Variants in PABIR1 observed in about 807,000 individuals in gnomAD.
PABIR1 encodes PPP2R1A-PPP2R2A-interacting phosphatase regulator 1.
In PABIR1, 2 loss-of-function variants were observed where a neutral mutation model predicts 14.6. That is an observed-to-expected ratio of 0.14 (90% CI 0.06 to 0.43). The LOEUF is 0.43. Ranked by LOEUF, PABIR1 falls within the 20% of genes least tolerant of loss-of-function variation. The probability of loss-of-function intolerance (pLI) is 0.99; values close to 1 mark genes in which losing one functional copy is unlikely to be tolerated. For missense variants in PABIR1, 294 were observed against 379.0 expected, an observed-to-expected ratio of 0.78 and a Z score of 1.86; for synonymous variants, 163 against 155.4, an observed-to-expected ratio of 1.05 and a Z score of -0.36.
rs751364709 is a variant in PABIR1, at chr9:68,780,480, G to C, written c.316G>C (p.Glu106Gln). 8.7e-6 allele frequency: 14 copies of C among 1,614,114 alleles called. No individual in the cohort carries two copies. Among genetic ancestry groups the C allele is most frequent in the Non-Finnish European group, 3.4e-6 (4 of 1,180,044 alleles). The change falls in exon 1 of 1, where the codon GAG becomes CAG. Residue 106 changes from glutamate (E) to glutamine (Q), a missense_variant. Transcript: ENST00000394264. ...CAACCGAGAGACGGTCCACGAACGG[G>C]AGGTGCAGACCGCAATGCAGATAAG... ...LINRETVHER[E>Q]VQTAMQISHS...
rs1450137248 is a variant in PABIR1 at position 68,780,837 on chromosome 9, C to A, written c.673C>A (p.Leu225Ile). The change falls in exon 1 of 1, where the codon CTT becomes ATT. Residue 225 changes from leucine (L) to isoleucine (I), a missense_variant. This residue lies in a region of PABIR1 where 95 missense variants were observed against 100.8 expected (regional missense o/e 0.94). Coordinates refer to ENST00000394264, the MANE Select transcript of PABIR1 (RefSeq NM_138333.5). ...ATTTTTCCAGGGCATCACCAACATG[C>A]TTTCTTCTGACGTTGCACAGCTGTC... ...KRFFQGITNM[L>I]SSDVAQLSDP... 5 of 1,614,228 alleles carry A rather than the reference C, an allele frequency of 3.1e-6. No homozygotes were observed. Among genetic ancestry groups the A allele is most frequent in the Non-Finnish European group, 4.2e-6 (5 of 1,180,046 alleles).
rs1018599642 is a variant in PABIR1, at chr9:68,783,552, A to T, written c.*2524A>T. On this transcript the variant is annotated 3_prime_UTR_variant, in exon 1 of 1. Coordinates refer to ENST00000394264, the MANE Select transcript of PABIR1 (RefSeq NM_138333.5). Reference sequence around the variant, plus strand: ...AACAACTTGATATCTATTGTACAAGATGTGTTACTGGCATTTCCATGTATA... The same window carrying T: ...AACAACTTGATATCTATTGTACAAGTTGTGTTACTGGCATTTCCATGTATA... 5 of 166,952 alleles carry T rather than the reference A, an allele frequency of 3.0e-5. No homozygotes were observed. The highest frequency in any genetic ancestry group is 1.2e-4 in the African/African-American group (5 of 41,464). 10.3% of individuals were successfully genotyped at this position (166,952 alleles called of 1,614,324 possible).
At position 68,780,681 on chromosome 9, in the gene PABIR1, A is replaced by T; in HGVS notation, c.517A>T (p.Ser173Cys). Reference sequence around the variant, plus strand: ...TGTAAGTAGCAACGGATTGCCTCCAAGCCCTATTCCCAGCCCAACGACCCG... The same window carrying T: ...TGTAAGTAGCAACGGATTGCCTCCATGCCCTATTCCCAGCCCAACGACCCG... ...SFVSSNGLPP[S>C]PIPSPTTRFT... Residue 173 changes from serine to cysteine, a missense_variant, in exon 1 of 1, where the codon AGC (serine) becomes TGC (cysteine). Transcript: ENST00000394264. The T allele has an allele frequency of 6.2e-7, 1 of 1,614,218 alleles. No individual in the cohort carries two copies. The highest frequency in any genetic ancestry group is 8.5e-7 in the Non-Finnish European group (1 of 1,180,030).
rs1831361496 is a variant in PABIR1 at position 68,782,650 on chromosome 9, GC to G, written c.*1623del. ...AGTTGCCTCAAGATGGAGTGAAATT[GC>G]ATCGAGGGTAAGACTGTGTCCACAG... On this transcript the variant is annotated 3_prime_UTR_variant, in exon 1 of 1. Transcript: ENST00000394264. 1.2e-5 allele frequency: 2 copies of G among 167,084 alleles called. No individual in the cohort carries two copies. Among genetic ancestry groups the G allele is most frequent in the African/African-American group, 2.4e-5 (1 of 41,446 alleles). The allele number at this position is 167,084 out of a possible 1,614,324, so 10.4% of individuals were successfully genotyped here.
chr9:68,784,505 C>CTGATT lies in PABIR1; in HGVS notation c.*3477_*3478insTGATT, dbSNP rs1831496365. The CTGATT allele has an allele frequency of 1.2e-5, 2 of 166,508 alleles. No homozygotes were observed. The highest frequency in any genetic ancestry group is 4.8e-5 in the African/African-American group (2 of 41,438). 10.3% of individuals were successfully genotyped at this position (166,508 alleles called of 1,614,324 possible). A position where few individuals can be genotyped will look rare whatever the true frequency, so the allele number is the denominator to read the frequency against. ...AGAATAACTTGTATCAGATTGCCTT[C>CTGATT]CAGTGATTCACATTTATTAGTTCAA... On this transcript the variant is annotated 3_prime_UTR_variant, in exon 1 of 1. Transcript: ENST00000394264.
In PABIR1 at chr9:68,783,274, A is replaced by G. The variant is rs1831407264; in HGVS notation, c.*2246A>G. On this transcript the variant is annotated 3_prime_UTR_variant, in exon 1 of 1. Coordinates refer to ENST00000394264, the MANE Select transcript of PABIR1 (RefSeq NM_138333.5). ...TCTCCTCATCTCTGTTCCAGTATAC[A>G]TCTTTCCTTCTTATTCTGCAAACAT... 1 of 166,866 alleles carries G rather than the reference A, an allele frequency of 6.0e-6. No homozygotes were observed. Among genetic ancestry groups the G allele is most frequent in the South Asian group, 2.1e-4 (1 of 4,834 alleles). 10.3% of individuals were successfully genotyped at this position (166,866 alleles called of 1,614,324 possible).
In PABIR1 at chr9:68,781,184, A is replaced by C; in HGVS notation, c.*156A>C. 1 of 994,902 alleles carries C rather than the reference A, an allele frequency of 1.0e-6. No individual in the cohort carries two copies. The highest frequency in any genetic ancestry group is 1.7e-5 in the South Asian group (1 of 59,922). The allele number at this position is 994,902 out of a possible 1,614,324, so 61.6% of individuals were successfully genotyped here. A position where few individuals can be genotyped will look rare whatever the true frequency, so the allele number is the denominator to read the frequency against. On this transcript the variant is annotated 3_prime_UTR_variant, in exon 1 of 1. Coordinates refer to ENST00000394264, the MANE Select transcript of PABIR1 (RefSeq NM_138333.5). Reference sequence around the variant, plus strand: ...AATGATGTTATTCTAGAGAACTTCTATGTCAGGTTCCTTTGGATACCCTTG... The same window carrying C: ...AATGATGTTATTCTAGAGAACTTCTCTGTCAGGTTCCTTTGGATACCCTTG...
chr9:68,781,255 T>C lies in PABIR1; in HGVS notation c.*227T>C, dbSNP rs889479628. ...TCAGACGTTTCCCCAATAAGTGTGT[T>C]GAAGCATACATCTTTACGCTGCTAA... On this transcript the variant is annotated 3_prime_UTR_variant, in exon 1 of 1. Transcript: ENST00000394264. 3.6e-6 allele frequency: 2 copies of C among 559,596 alleles called. No individual in the cohort carries two copies. The highest frequency in any genetic ancestry group is 3.6e-5 in the Admixed American group (1 of 27,988). The allele number at this position is 559,596 out of a possible 1,614,324, so 34.7% of individuals were successfully genotyped here. A position where few individuals can be genotyped will look rare whatever the true frequency, so the allele number is the denominator to read the frequency against.
Position 68,780,094 on chromosome 9 carries a change from G to GTATCATTAAAA in PABIR1, c.-71_-70insTATCATTAAAA. 7.5e-6 allele frequency: 10 copies of GTATCATTAAAA among 1,337,322 alleles called. No individual in the cohort carries two copies. Among genetic ancestry groups the GTATCATTAAAA allele is most frequent in the South Asian group, 4.7e-5 (2 of 42,290 alleles). The allele number at this position is 1,337,322 out of a possible 1,614,324, so 82.8% of individuals were successfully genotyped here. A position where few individuals can be genotyped will look rare whatever the true frequency, so the allele number is the denominator to read the frequency against. On this transcript the variant is annotated 5_prime_UTR_variant, in exon 1 of 1. Transcript: ENST00000394264. ...TCTCGGTGGCGGCGGCAGCGGCGGC[G>GTATCATTAAAA]GCCCTGGACTGCGGGGAATGGGAAT...
In PABIR1 at chr9:68,784,715, C is replaced by G. The variant is rs1831514442; in HGVS notation, c.*3687C>G. On this transcript the variant is annotated 3_prime_UTR_variant, in exon 1 of 1. Transcript: ENST00000394264. The stretch of plus-strand genomic sequence containing the variant: ...GGGGAATGGTTGCCAGACAATTGAA[C>G]CAAGAAGATGATGATCATTTCTTGA... 1 of 157,982 alleles carries G rather than the reference C, an allele frequency of 6.3e-6. No individual in the cohort carries two copies. Among genetic ancestry groups the G allele is most frequent in the Admixed American group, 6.6e-5 (1 of 15,260 alleles). 9.8% of individuals were successfully genotyped at this position (157,982 alleles called of 1,614,324 possible). A position where few individuals can be genotyped will look rare whatever the true frequency, so the allele number is the denominator to read the frequency against.
In PABIR1 at chr9:68,780,567, A is replaced by G; in HGVS notation, c.403A>G (p.Lys135Glu). The change falls in exon 1 of 1, where the codon AAG becomes GAG. Residue 135 changes from lysine to glutamate, a missense_variant. Transcript: ENST00000394264. ...CGACGTGGAGAAATCCGCCTCCCCC[A>G]AGCGCATCGATTTCATTCCTGTGTC... Reference protein sequence around the residue: ...DNDVEKSASPKRIDFIPVSPA... With the variant: ...DNDVEKSASPERIDFIPVSPA... The G allele has an allele frequency of 6.2e-7, 1 of 1,614,190 alleles. No homozygotes were observed. The highest frequency in any genetic ancestry group is 8.5e-7 in the Non-Finnish European group (1 of 1,180,028).
In PABIR1 at chr9:68,780,703, C is replaced by T. The variant is rs1242133954; in HGVS notation, c.539C>T (p.Thr180Ile). The part of the protein sequence containing the change: ...LPPSPIPSPT[T>I]RFTTRRSQSP... ...CCAAGCCCTATTCCCAGCCCAACGA[C>T]CCGATTTACCACCCGGAGAAGCCAG... Residue 180 changes from threonine (T) to isoleucine (I), a missense_variant, in exon 1 of 1, where the codon ACC (threonine) becomes ATC (isoleucine). Transcript: ENST00000394264. 3.1e-6 allele frequency: 5 copies of T among 1,614,222 alleles called. No individual in the cohort carries two copies. In the Admixed American group the frequency reaches 6.7e-5, roughly 22 times the overall value.
At position 68,785,094 on chromosome 9, in the gene PABIR1, A is replaced by C. The variant is rs1831536161; in HGVS notation, c.*4066A>C. Among the ~76,000 whole-genome samples the C allele has an allele frequency of 6.6e-6, 1 of 152,184 alleles. No individual in the cohort carries two copies. The highest frequency in any genetic ancestry group is 2.4e-5 in the African/African-American group (1 of 41,452). Reference sequence around the variant, plus strand: ...TAGGCTATGATGGATGCCAGGTTGCAGTTGGATGGCAGGCACAAGGAAGTG... The same window carrying C: ...TAGGCTATGATGGATGCCAGGTTGCCGTTGGATGGCAGGCACAAGGAAGTG... On this transcript the variant is annotated 3_prime_UTR_variant, in exon 1 of 1. Coordinates refer to ENST00000394264, the MANE Select transcript of PABIR1 (RefSeq NM_138333.5).
Position 68,783,183 on chromosome 9 carries a change from T to C in PABIR1, c.*2155T>C, listed in dbSNP as rs1831399152. 1 of 167,136 alleles carries C rather than the reference T, an allele frequency of 6.0e-6. No individual in the cohort carries two copies. The highest frequency in any genetic ancestry group is 1.5e-5 in the Non-Finnish European group (1 of 68,140). The allele number at this position is 167,136 out of a possible 1,614,324, so 10.4% of individuals were successfully genotyped here. On this transcript the variant is annotated 3_prime_UTR_variant, in exon 1 of 1. Coordinates refer to ENST00000394264, the MANE Select transcript of PABIR1 (RefSeq NM_138333.5). ...TCCCCATTTCCTACTCTTTAAGGAA[T>C]GATTTCTTTAGCCTCAGATAGAAGG...
chr9:68,780,076 G>C lies in PABIR1; in HGVS notation c.-89G>C. The C allele has an allele frequency of 7.0e-7, 1 of 1,429,990 alleles. No individual in the cohort carries two copies. Among genetic ancestry groups the C allele is most frequent in the Non-Finnish European group, 9.1e-7 (1 of 1,093,940 alleles). 88.6% of individuals were successfully genotyped at this position (1,429,990 alleles called of 1,614,324 possible). On this transcript the variant is annotated 5_prime_UTR_variant, in exon 1 of 1. Transcript: ENST00000394264. ...GCCAGCCCGCTGACAGATTCTCGGT[G>C]GCGGCGGCAGCGGCGGCGGCCCTGG...
Position 68,780,120 on chromosome 9 carries a change from C to T in PABIR1, c.-45C>T, listed in dbSNP as rs1277229370. The stretch of plus-strand genomic sequence containing the variant: ...GCCCTGGACTGCGGGGAATGGGAAT[C>T]CTAGGTCCCTGACTGAGCACCTCCC... On this transcript the variant is annotated 5_prime_UTR_variant, in exon 1 of 1. Transcript: ENST00000394264. The T allele has an allele frequency of 6.7e-7, 1 of 1,490,540 alleles. No individual in the cohort carries two copies. Among genetic ancestry groups the T allele is most frequent in the Non-Finnish European group, 8.9e-7 (1 of 1,125,610 alleles). 92.3% of individuals were successfully genotyped at this position (1,490,540 alleles called of 1,614,324 possible). A position where few individuals can be genotyped will look rare whatever the true frequency, so the allele number is the denominator to read the frequency against.
chr9:68,781,059 T>TG lies in PABIR1; in HGVS notation c.*33dup. 1 of 1,587,674 alleles carries TG rather than the reference T, an allele frequency of 6.3e-7. No homozygotes were observed. The highest frequency in any genetic ancestry group is 8.6e-7 in the Non-Finnish European group (1 of 1,165,154). On this transcript the variant is annotated 3_prime_UTR_variant, in exon 1 of 1. Coordinates refer to ENST00000394264, the MANE Select transcript of PABIR1 (RefSeq NM_138333.5). ...TCATCCTGAGACTTTCTTTTTGCAGTGGAGAGAGAGAATAATCTAGTTGGG... is the reference window on the plus strand; with the variant it reads ...TCATCCTGAGACTTTCTTTTTGCAGTGGGAGAGAGAGAATAATCTAGTTGGG...
chr9:68,780,569 G>A lies in PABIR1; in HGVS notation c.405G>A (p.Lys135=). The A allele has an allele frequency of 3.1e-6, 5 of 1,614,202 alleles. No individual in the cohort carries two copies. Among genetic ancestry groups the A allele is most frequent in the Non-Finnish European group, 4.2e-6 (5 of 1,180,044 alleles). The part of the protein sequence containing the change: ...DNDVEKSASP[K]RIDFIPVSPA... ...ACGTGGAGAAATCCGCCTCCCCCAA[G>A]CGCATCGATTTCATTCCTGTGTCAC... The change falls in exon 1 of 1, where the codon AAG becomes AAA. Residue 135 remains lysine (K), a synonymous_variant. Transcript: ENST00000394264.
rs1323353613 is a variant in PABIR1, at chr9:68,784,476, A to G, written c.*3448A>G. On this transcript the variant is annotated 3_prime_UTR_variant, in exon 1 of 1. Coordinates refer to ENST00000394264, the MANE Select transcript of PABIR1 (RefSeq NM_138333.5). ...AAGCATACTTAAAAGATTGATTGTA[A>G]TCAAGAATAACTTGTATCAGATTGC... is the stretch of plus-strand genomic sequence containing the variant. 1 of 166,654 alleles carries G rather than the reference A, an allele frequency of 6.0e-6. No homozygotes were observed. The highest frequency in any genetic ancestry group is 1.5e-5 in the Non-Finnish European group (1 of 68,126). The allele number at this position is 166,654 out of a possible 1,614,324, so 10.3% of individuals were successfully genotyped here. A position where few individuals can be genotyped will look rare whatever the true frequency, so the allele number is the denominator to read the frequency against.
Sources: gnomAD v4.1 joint callset for allele counts (sites outside exome capture counted in the v4.1 genomes callset) on GRCh38, gnomAD v4.1.1 for gene constraint, gnomAD v4.1.1 regional missense constraint, MANE v1.5 for transcripts, NCBI Gene and HGNC (gene_info 2026-07-23, HGNC 2026-07-21) for gene names.